Variants in CNNM2 observed in about 807,000 individuals in gnomAD.
CNNM2 encodes the protein cyclin and CBS domain divalent metal cation transport mediator 2.
A neutral mutation model predicts 66.9 loss-of-function variants in CNNM2; 12 were observed. The ratio of observed to expected loss-of-function variants is 0.18; its 90% CI spans 0.11 to 0.29. CNNM2 has a LOEUF of 0.29. CNNM2 is among the 10% of genes least tolerant of loss of function. The pLI, the probability that CNNM2 is intolerant of heterozygous loss-of-function variation, is 1.00. For missense variants in CNNM2, 705 were observed against 1,167.7 expected (o/e 0.60, Z 5.77); for synonymous variants, 557 against 501.8 (o/e 1.11, Z -1.47).
intron 1 of CNNM2, among the ~76,000 whole-genome samples, chr10:102,999,991 T>C (rs1294953805): frequency 6.6e-6 from 1 of 152,060 alleles, no homozygotes; most frequent in Non-Finnish European, 1.5e-5. Context: ...ATCCCAGCAG[T>C]TTGGGAGGTC....
intron 1 of CNNM2, among the ~76,000 whole-genome samples, chr10:102,970,270 G>A (rs2063529012): frequency 2.0e-5 from 3 of 152,228 alleles, no homozygotes; most frequent in Admixed American, 2.0e-4. Flanking sequence ...AGCCATGATT[G>A]TGCCCCTGCA....
chr10:103,075,380 T>G (rs763448799), intron 6 of CNNM2, among the ~76,000 whole-genome samples: 3 of 152,170 alleles, frequency 2.0e-5, no homozygotes, highest in Admixed American at 6.5e-5. Context: ...GAACTTCCAT[T>G]TAAGAGCAAC....
chr10:102,955,692 A>G (rs1312291658), intron 1 of CNNM2, among the ~76,000 whole-genome samples: 2 of 152,074 alleles, frequency 1.3e-5, no homozygotes, highest in Non-Finnish European at 2.9e-5. Context: ...AAAACAAACA[A>G]CCCCATCAAA....
intron 1 of CNNM2, among the ~76,000 whole-genome samples, chr10:103,002,759 G>A (rs1340069394): frequency 2.6e-5 from 4 of 151,972 alleles, no homozygotes; most frequent in African/African-American, 4.8e-5. Flanking sequence ...GATTACAGGC[G>A]TGAGCCACTG....
chr10:102,971,355 A>G (rs947140435), intron 1 of CNNM2, among the ~76,000 whole-genome samples: 4 of 151,954 alleles, frequency 2.6e-5, no homozygotes, highest in African/African-American at 9.7e-5. Context: ...TATCACGTTA[A>G]CTATTTGTGT....
intron 4 of CNNM2, among the ~76,000 whole-genome samples, chr10:103,061,254 G>A (rs926382756): frequency 2.6e-5 from 4 of 152,076 alleles, no homozygotes; most frequent in Non-Finnish European, 5.9e-5. Context: ...TTAGCTAGAC[G>A]TGTTGGTGTG....
At position 102,986,510 on chromosome 10, in the gene CNNM2, C is replaced by T. The variant is rs183524893; in HGVS notation, c.1622-63197C>T. 3.5e-3 allele frequency among the ~76,000 whole-genome samples: 533 copies of T among 152,092 alleles called. 1 individual carries two copies. The highest frequency in any genetic ancestry group is 0.011 in the African/African-American group (470 of 41,486). ...TTTGAAAATGTCCTGTGGCTGGGCGCGGTGGCTCACGCCTGTAATACCAGT... is the reference window on the plus strand; with the variant it reads ...TTTGAAAATGTCCTGTGGCTGGGCGTGGTGGCTCACGCCTGTAATACCAGT... On this transcript the variant is annotated intron_variant, in intron 1 of 7. Coordinates refer to ENST00000369878, the MANE Select transcript of CNNM2 (RefSeq NM_017649.5).
At chr10:102,937,305 C>T (rs535038471) in intron 1 of CNNM2, among the ~76,000 whole-genome samples, 43 of 152,104 alleles carry the variant, frequency 2.8e-4, no homozygotes, top group African/African-American at 1.0e-3. Flanking sequence ...CCCAGCTACT[C>T]TTGAGGCTGA....
chr10:102,999,373 C>T (rs1025426596), intron 1 of CNNM2, among the ~76,000 whole-genome samples: 1 of 151,782 alleles, frequency 6.6e-6, no homozygotes, highest in Non-Finnish European at 1.5e-5. Flanking sequence ...TGAGCCACTG[C>T]ACCCGGCCAA....
At chr10:103,005,296 C>T (rs2064203900) in intron 1 of CNNM2, among the ~76,000 whole-genome samples, 1 of 152,060 alleles carries the variant, frequency 6.6e-6, no homozygotes, top group Non-Finnish European at 1.5e-5. Context: ...TTCGTTGATA[C>T]TATTGTCAAT....
chr10:102,969,338 C>CGAGTAGCTA (rs1457522432), intron 1 of CNNM2, among the ~76,000 whole-genome samples: 2 of 152,196 alleles, frequency 1.3e-5, no homozygotes, highest in South Asian at 2.1e-4. Context: ...CTCAGCCTCC[C>CGAGTAGCTA]GAGTAGCTAG....
chr10:103,047,623 G>A (rs1277479932), intron 1 of CNNM2, among the ~76,000 whole-genome samples: 1 of 152,194 alleles, frequency 6.6e-6, no homozygotes, highest in Non-Finnish European at 1.5e-5. Context: ...TACTCTCTTT[G>A]CAACTTTTCT....
intron 1 of CNNM2, among the ~76,000 whole-genome samples, chr10:103,030,137 T>C (rs1461536765): frequency 6.6e-6 from 1 of 152,168 alleles, no homozygotes; most frequent in African/African-American, 2.4e-5. Flanking sequence ...GGAAAATGTA[T>C]GCTCTTGGAT....
At chr10:103,062,760 C>CT (rs1257150766) in intron 4 of CNNM2, among the ~76,000 whole-genome samples, 1 of 152,220 alleles carries the variant, frequency 6.6e-6, no homozygotes, top group Non-Finnish European at 1.5e-5. Context: ...ATTTGAGCTA[C>CT]TTTGAATGTT....
At chr10:103,071,140 C>T (rs1368800092) in intron 5 of CNNM2, among the ~76,000 whole-genome samples, 1 of 152,138 alleles carries the variant, frequency 6.6e-6, no homozygotes, top group East Asian at 1.9e-4. Context: ...CCTACCTGCC[C>T]CAGAGGTGTG....
In CNNM2 at chr10:103,084,509, G is replaced by A. The variant is rs1486672366; in HGVS notation, c.*7329G>A. The stretch of plus-strand genomic sequence containing the variant: ...AGAGCTAGGGAAAGAAATCATGGTA[G>A]CACATTCACTCCCAGCCTCCTGCCT... On this transcript the variant is annotated 3_prime_UTR_variant, in exon 8 of 8. Coordinates refer to ENST00000369878, the MANE Select transcript of CNNM2 (RefSeq NM_017649.5). The A allele has an allele frequency of 1.3e-5, 2 of 152,196 alleles. No individual in the cohort carries two copies. The highest frequency in any genetic ancestry group is 2.9e-5 in the Non-Finnish European group (2 of 68,044). 9.4% of individuals were successfully genotyped at this position (152,196 alleles called of 1,614,324 possible).
At chr10:102,922,800 G>A (rs1159638639) in intron 1 of CNNM2, among the ~76,000 whole-genome samples, 1 of 152,072 alleles carries the variant, frequency 6.6e-6, no homozygotes, top group Non-Finnish European at 1.5e-5. Flanking sequence ...AATTAGCTGG[G>A]CGTGGTGGTG....
chr10:103,063,108 G>A (rs1023628420), intron 4 of CNNM2, among the ~76,000 whole-genome samples: 3 of 150,126 alleles, frequency 2.0e-5, no homozygotes, highest in Admixed American at 6.7e-5. Flanking sequence ...TTGGAAAATG[G>A]TCAGTCAGAT....
chr10:103,029,102 A>G (rs918223157), intron 1 of CNNM2, among the ~76,000 whole-genome samples: 1 of 151,710 alleles, frequency 6.6e-6, no homozygotes, highest in Non-Finnish European at 1.5e-5. Context: ...GATTACAGGC[A>G]TGAGCCACCG....
Sources: gnomAD v4.1 joint callset for allele counts (sites outside exome capture counted in the v4.1 genomes callset) on GRCh38, gnomAD v4.1.1 for gene constraint, MANE v1.5 for transcripts, NCBI Gene and HGNC (gene_info 2026-07-23, HGNC 2026-07-21) for gene names.